The following CACNA2D3 variants were observed in gnomAD, a reference collection of about 807,000 sequenced individuals.
The protein encoded by CACNA2D3 is calcium voltage-gated channel auxiliary subunit alpha2delta 3, also known as voltage-dependent calcium channel subunit alpha-2/delta-3.
CACNA2D3 carries 60 observed loss-of-function variants against 160.6 expected under a neutral mutation model. That is an observed-to-expected ratio of 0.37 (90% confidence interval 0.30 to 0.46). The LOEUF is 0.46. Among genes scored for constraint, CACNA2D3 ranks in the 20% least tolerant of loss-of-function variants. CACNA2D3 has a pLI of 1.00. For synonymous variants in CACNA2D3, 558 were observed against 492.9 expected, an observed-to-expected ratio of 1.13 and a Z score of -1.75; for missense variants, 1,205 against 1,365.0, an observed-to-expected ratio of 0.88 and a Z score of 1.85.
intron 2 of CACNA2D3, among the ~76,000 whole-genome samples, chr3:54,235,570 G>A (rs367593754): frequency 4.6e-5 from 7 of 152,112 alleles, no homozygotes; most frequent in East Asian, 1.9e-4. Flanking sequence ...ATCCACCCCC[G>A]TGATCCAGTC....
chr3:54,783,942 A>C (rs1288506512), intron 13 of CACNA2D3, among the ~76,000 whole-genome samples: 1 of 152,226 alleles, frequency 6.6e-6, no homozygotes, highest in Non-Finnish European at 1.5e-5. Flanking sequence ...TATCACAGCA[A>C]ATACTGTAAT....
intron 6 of CACNA2D3, among the ~76,000 whole-genome samples, chr3:54,568,796 CTT>C (rs1408288304): frequency 1.3e-5 from 2 of 152,184 alleles, no homozygotes; most frequent in African/African-American, 2.4e-5. Flanking sequence ...CCCAATATCT[CTT>C]TGCATTACAG....
intron 3 of CACNA2D3, among the ~76,000 whole-genome samples, chr3:54,346,601 C>A (rs1347062613): frequency 6.6e-6 from 1 of 152,088 alleles, no homozygotes; most frequent in Non-Finnish European, 1.5e-5. Context: ...CATTTACCTC[C>A]TTCCTGCCCC....
At chr3:54,321,616 A>G (rs773741636) in intron 3 of CACNA2D3, among the ~76,000 whole-genome samples, 4 of 152,048 alleles carry the variant, frequency 2.6e-5, no homozygotes, top group Non-Finnish European at 5.9e-5. Context: ...TATTATCCCC[A>G]TTTTACAAGA....
Position 54,723,812 on chromosome 3 carries a change from C to T in CACNA2D3, c.1168-28787C>T, listed in dbSNP as rs150511174. Among the ~76,000 whole-genome samples the T allele has an allele frequency of 1.4e-3, 213 of 152,234 alleles. 1 individual carries two copies. Among genetic ancestry groups the T allele is most frequent in the Middle Eastern group, 3.4e-3 (1 of 294 alleles). ...GTTGATCTCACTGGGAGCTGCAGAC[C>T]GCAGCTGTTCCTATTCAGCCATCTT... On this transcript the variant is annotated intron_variant, in intron 11 of 37. Coordinates refer to ENST00000474759, the MANE Select transcript of CACNA2D3 (RefSeq NM_018398.3).
chr3:54,893,310 T>G (rs1425052845), intron 25 of CACNA2D3, among the ~76,000 whole-genome samples: 1 of 152,062 alleles, frequency 6.6e-6, no homozygotes, highest in African/African-American at 2.4e-5. Flanking sequence ...GATGGAAAAT[T>G]TCTTTGGGAA....
At chr3:55,018,366 C>A in intron 35 of CACNA2D3, 49 bp downstream of exon 35, 1 of 1,161,614 alleles carries the variant, frequency 8.6e-7, no homozygotes, top group Non-Finnish European at 1.3e-6. Context: ...CTGCTCAGCA[C>A]AGAACTTTCC....
At chr3:54,634,654 G>A (rs950075050) in intron 10 of CACNA2D3, 5 of 152,094 alleles carry the variant, frequency 3.3e-5, no homozygotes, top group African/African-American at 1.2e-4. Context: ...ACAGTCAAAG[G>A]GGGTTTGTTC....
At chr3:54,676,996 A>G (rs1700255212) in intron 11 of CACNA2D3, among the ~76,000 whole-genome samples, 1 of 152,114 alleles carries the variant, frequency 6.6e-6, no homozygotes, top group Non-Finnish European at 1.5e-5. Flanking sequence ...CCTTTTAAAA[A>G]TCTCTCTTTA....
At position 54,137,732 on chromosome 3, in the gene CACNA2D3, C is replaced by T. The variant is rs138154669; in HGVS notation, c.204+14138C>T. On this transcript the variant is annotated intron_variant, in intron 2 of 37. Transcript: ENST00000474759. ...CTTTATTCTATTATAGTCTATTCAACGCAAGTTGACTAGACGGGACTCTGT... is the reference window on the plus strand; with the variant it reads ...CTTTATTCTATTATAGTCTATTCAATGCAAGTTGACTAGACGGGACTCTGT... Among the ~76,000 whole-genome samples, 12 of 152,192 alleles carry T rather than the reference C, an allele frequency of 7.9e-5. No individual in the cohort carries two copies. In the East Asian group the frequency reaches 9.6e-4, roughly 12 times the overall value.
At chr3:54,920,317 A>T (rs1189281902) in intron 27 of CACNA2D3, among the ~76,000 whole-genome samples, 1 of 152,164 alleles carries the variant, frequency 6.6e-6, no homozygotes, top group Non-Finnish European at 1.5e-5. Context: ...CAGTGCAAGG[A>T]TTATCAGGTG....
In CACNA2D3 at chr3:54,787,334, G is replaced by A. The variant is rs144503641; in HGVS notation, c.1380+22983G>A. Among the ~76,000 whole-genome samples, 33 of 152,150 alleles carry A rather than the reference G, an allele frequency of 2.2e-4. No individual in the cohort carries two copies. In the South Asian group the frequency reaches 2.9e-3, roughly 13 times the overall value. On this transcript the variant is annotated intron_variant, in intron 13 of 37. Coordinates refer to ENST00000474759, the MANE Select transcript of CACNA2D3 (RefSeq NM_018398.3). ...CCCTCATATATTAATTTAGATCACC[G>A]TTAGGATTTTTTAAAAAAATCTAAA...
At chr3:54,753,688 C>T (rs1701911796) in intron 12 of CACNA2D3, among the ~76,000 whole-genome samples, 2 of 152,182 alleles carry the variant, frequency 1.3e-5, no homozygotes, top group Admixed American at 1.3e-4. Context: ...TAACTTGCCT[C>T]AATGTTCTAA....
chr3:54,944,837 G>A (rs1701573444), intron 27 of CACNA2D3, among the ~76,000 whole-genome samples: 1 of 151,822 alleles, frequency 6.6e-6, no homozygotes, highest in Middle Eastern at 3.4e-3. Context: ...GTGTGTGTGT[G>A]TGTGTTTGCT....
chr3:54,913,713 C>G lies in CACNA2D3; in HGVS notation c.2449+13845C>G, dbSNP rs537935738. On this transcript the variant is annotated intron_variant, in intron 27 of 37. Coordinates refer to ENST00000474759, the MANE Select transcript of CACNA2D3 (RefSeq NM_018398.3). The stretch of plus-strand genomic sequence containing the variant: ...GTGTTGGCAGTGCCAGGAAAGGATC[C>G]TAACTCTGACTTCTTCGAACCTGTC... 3.3e-5 allele frequency among the ~76,000 whole-genome samples: 5 copies of G among 152,248 alleles called. No individual in the cohort carries two copies. The South Asian group carries it at 1.0e-3, about 32-fold the overall frequency.
intron 8 of CACNA2D3, among the ~76,000 whole-genome samples, chr3:54,577,572 G>A (rs1252610322): frequency 1.3e-5 from 2 of 152,182 alleles, no homozygotes; most frequent in Admixed American, 1.3e-4. Flanking sequence ...CCAGCTCTGG[G>A]TGCAGGGTGT....
intron 4 of CACNA2D3, among the ~76,000 whole-genome samples, chr3:54,411,130 G>T (rs1699661625): frequency 1.3e-5 from 2 of 152,194 alleles, no homozygotes; most frequent in Non-Finnish European, 2.9e-5. Context: ...TGAATGAGAA[G>T]CTGATTCTTA....
rs149539588 is a variant in CACNA2D3, at chr3:54,323,746, G to A, written c.321+3188G>A. On this transcript the variant is annotated intron_variant, in intron 3 of 37. Coordinates refer to ENST00000474759, the MANE Select transcript of CACNA2D3 (RefSeq NM_018398.3). ...CTCCCAAAGTGCTGGGATTACAGGCGTGAGCCACCGTGCTGGGCCCCCACC... is the reference window on the plus strand; with the variant it reads ...CTCCCAAAGTGCTGGGATTACAGGCATGAGCCACCGTGCTGGGCCCCCACC... Among the ~76,000 whole-genome samples, 19 of 152,256 alleles carry A rather than the reference G, an allele frequency of 1.2e-4. 1 individual carries two copies. In the East Asian group the frequency reaches 3.7e-3, roughly 29 times the overall value.
intron 2 of CACNA2D3, among the ~76,000 whole-genome samples, chr3:54,186,304 A>T (rs1700877765): frequency 6.6e-6 from 1 of 152,226 alleles, no homozygotes; most frequent in African/African-American, 2.4e-5. Context: ...TTCTTTTCAA[A>T]TAGTAATTTT....
Sources: gnomAD v4.1 joint callset for allele counts (sites outside exome capture counted in the v4.1 genomes callset) on GRCh38, gnomAD v4.1.1 for gene constraint, MANE v1.5 for transcripts, NCBI Gene and HGNC (gene_info 2026-07-23, HGNC 2026-07-21) for gene names.